BCL2L14: variants seen among roughly 807,000 people sequenced by gnomAD.
BCL2L14 encodes apoptosis facilitator Bcl-2-like protein 14.
BCL2L14 carries 27 observed loss-of-function variants against 35.3 expected under a neutral mutation model. That is an observed-to-expected ratio of 0.76 (90% confidence interval 0.56 to 1.05). The LOEUF (loss-of-function observed/expected upper bound fraction) is 1.05. Among genes scored for constraint, BCL2L14 ranks in the 50% least tolerant of loss-of-function variants. The pLI is 0.00. For missense variants in BCL2L14, 377 were observed against 382.6 expected (o/e 0.99, Z 0.12); for synonymous variants, 139 against 145.9 (o/e 0.95, Z 0.34).
chr12:12,079,139 C>T, intron 1 of BCL2L14, 160 bp from the exon 2 acceptor site: 1 of 639,732 alleles, frequency 1.6e-6, no homozygotes. Flanking sequence ...TGTCTCTCTT[C>T]CCACCCTAGT....
chr12:12,087,216 T>C lies in BCL2L14; in HGVS notation c.437T>C (p.Val146Ala). Residue 146 changes from valine to alanine, a missense_variant, in exon 3 of 6, where the codon GTG becomes GCG. By Grantham distance (64) the Val-to-Ala change is moderately conservative. Transcript: ENST00000308721. ...NVEQCLEHEA[V>A]DPKVISIANR... ...GCACCATTTTGTCTTGTTTCAGCTG[T>C]GGACCCCAAAGTCATTTCCATTGCC... 1 of 1,614,152 alleles carries C rather than the reference T, an allele frequency of 6.2e-7. No individual in the cohort carries two copies. Among genetic ancestry groups the C allele is most frequent in the Non-Finnish European group, 8.5e-7 (1 of 1,179,998 alleles).
Position 12,079,677 on chromosome 12 carries a change from T to A in BCL2L14, c.372T>A (p.Asp124Glu). Reference protein sequence around the residue: ...AQGQRTLEYQDSHSQQWSRCL... With the variant: ...AQGQRTLEYQESHSQQWSRCL... ...GTCAAAGGACGTTGGAATACCAAGA[T>A]TCGCACAGCCAGCAGTGGTCCAGGT... The change falls in exon 2 of 6, where the codon GAT becomes GAA. Residue 124 changes from aspartate to glutamate, a missense_variant. Asp to Glu is a conservative substitution (Grantham distance 45, BLOSUM62 2). Coordinates refer to ENST00000308721, the MANE Select transcript of BCL2L14 (RefSeq NM_138723.2). The A allele has an allele frequency of 6.2e-7, 1 of 1,614,194 alleles. No homozygotes were observed. The highest frequency in any genetic ancestry group is 8.5e-7 in the Non-Finnish European group (1 of 1,180,042).
chr12:12,075,429 CTTTCTTTT>C (rs368835428), intron 1 of BCL2L14, among the ~76,000 whole-genome samples: 8,559 of 121,690 alleles, frequency 0.07, 290 homozygotes, highest in Non-Finnish European at 0.097. Context: ...TTCTTTCTTT[CTTTCTTTT>C]TTTTTTGAGA....
At chr12:12,075,617 G>C (rs1333689015) in intron 1 of BCL2L14, among the ~76,000 whole-genome samples, 3 of 151,140 alleles carry the variant, frequency 2.0e-5, no homozygotes. Context: ...TAGAGACGGG[G>C]TTTCTCCATG....
At chr12:12,083,974 C>G (rs147440092) in intron 2 of BCL2L14, among the ~76,000 whole-genome samples, 3 of 152,058 alleles carry the variant, frequency 2.0e-5, no homozygotes, top group Non-Finnish European at 2.9e-5. Flanking sequence ...TCCCTCAGCT[C>G]GTGGCTTCCA....
chr12:12,097,305 G>C (rs753153875), intron 5 of BCL2L14, among the ~76,000 whole-genome samples: 3 of 152,150 alleles, frequency 2.0e-5, no homozygotes, highest in Non-Finnish European at 4.4e-5. Flanking sequence ...ATCAACTGAT[G>C]AATGATGAAT....
At chr12:12,064,404 A>G (rs1558774) in intron 2 of BCL2L14, among the ~76,000 whole-genome samples, 1 of 5,390 alleles carries the variant, frequency 1.9e-4, no homozygotes, top group African/African-American at 4.6e-4. Flanking sequence ...AGCACACCCA[A>G]AAGGTGTGAG....
At chr12:12,089,697 C>G (rs1205544757) in intron 3 of BCL2L14, among the ~76,000 whole-genome samples, 1 of 152,214 alleles carries the variant, frequency 6.6e-6, no homozygotes. Context: ...GACTCACATA[C>G]TCCACTGCAC....
chr12:12,071,239 T>C (rs1034514487), intron 1 of BCL2L14, 102 bp downstream of exon 1: 13 of 152,168 alleles, frequency 8.5e-5, no homozygotes, highest in Non-Finnish European at 2.9e-5. Flanking sequence ...CAGGGAGCTC[T>C]TTACTGGGTT....
At chr12:12,087,055 T>G (rs964998786) in intron 2 of BCL2L14, among the ~76,000 whole-genome samples, 158 bp from the exon 3 acceptor site, 3 of 152,156 alleles carry the variant, frequency 2.0e-5, no homozygotes, top group Admixed American at 1.3e-4. Context: ...CAGGCAACTT[T>G]CAGTCCTTTC....
intron 3 of BCL2L14, 146 bp downstream of exon 3, chr12:12,087,532 C>T: frequency 1.1e-6 from 1 of 913,172 alleles, no homozygotes; most frequent in Admixed American, 2.8e-5. Context: ...GCAATGAGCT[C>T]CAGCTTGAGA....
At position 12,079,295 on chromosome 12, in the gene BCL2L14, A is replaced by G. The variant is rs1349194228; in HGVS notation, c.-7-4A>G. The G allele has an allele frequency of 6.2e-7, 1 of 1,608,732 alleles. No homozygotes were observed. The highest frequency in any genetic ancestry group is 1.3e-5 in the African/African-American group (1 of 74,824). On this transcript the variant is annotated splice_polypyrimidine_tract_variant and splice_region_variant and intron_variant, in intron 1 of 5. Transcript: ENST00000308721. Reference sequence around the variant, plus strand: ...AGGGCACAGTGTGGACTTTGTTGTTACAGGCCCAACATGTGTAGCACCAGT... The same window carrying G: ...AGGGCACAGTGTGGACTTTGTTGTTGCAGGCCCAACATGTGTAGCACCAGT...
At chr12:12,067,217 G>A (rs912608579), upstream of BCL2L14, among the ~76,000 whole-genome samples, 45 of 151,932 alleles carry the variant, frequency 3.0e-4, no homozygotes, top group African/African-American at 1.0e-3. Flanking sequence ...CTGGAATGAT[G>A]TCGCCACTAA....
intron 3 of BCL2L14, 142 bp downstream of exon 3, chr12:12,087,528 A>G: frequency 1.1e-6 from 1 of 950,102 alleles, no homozygotes; most frequent in East Asian, 2.6e-5. Context: ...GTGGGCAATG[A>G]GCTCCAGCTT....
At chr12:12,083,674 G>A (rs968284202) in intron 2 of BCL2L14, among the ~76,000 whole-genome samples, 2 of 152,172 alleles carry the variant, frequency 1.3e-5, no homozygotes, top group Non-Finnish European at 2.9e-5. Flanking sequence ...GCCAGGCAGG[G>A]TGGCTCATGC....
intron 5 of BCL2L14, chr12:12,095,695 G>A (rs1188304577): frequency 1.1e-5 from 11 of 985,228 alleles, no homozygotes; most frequent in Non-Finnish European, 1.3e-5. Context: ...TGGTCCAGGG[G>A]CCAGCAGGAG....
intron 2 of BCL2L14, among the ~76,000 whole-genome samples, chr12:12,064,539 A>G (rs1025637728): frequency 9.2e-5 from 14 of 152,146 alleles, no homozygotes; most frequent in Non-Finnish European, 1.6e-4. Context: ...AATAAGAACT[A>G]TTATTGTTAG....
intron 3 of BCL2L14, among the ~76,000 whole-genome samples, chr12:12,089,703 T>C (rs764590012): frequency 1.3e-5 from 2 of 152,148 alleles, no homozygotes; most frequent in Non-Finnish European, 2.9e-5. Context: ...CATACTCCAC[T>C]GCACCCTGTC....
Position 12,077,714 on chromosome 12 carries a change from T to G in BCL2L14, c.-7-1585T>G, listed in dbSNP as rs533312179. Reference sequence around the variant, plus strand: ...TTACAATTTGCCTGCAGGAAGTTCATGTTTGGAGAGATGGAGTAACCTGCC... The same window carrying G: ...TTACAATTTGCCTGCAGGAAGTTCAGGTTTGGAGAGATGGAGTAACCTGCC... On this transcript the variant is annotated intron_variant, in intron 1 of 5. Transcript: ENST00000308721. The G allele has an allele frequency of 4.8e-5, 9 of 186,694 alleles. No individual in the cohort carries two copies. In the South Asian group the frequency reaches 1.0e-3, roughly 22 times the overall value. 11.6% of individuals were successfully genotyped at this position (186,694 alleles called of 1,614,324 possible). A position where few individuals can be genotyped will look rare whatever the true frequency, so the allele number is the denominator to read the frequency against.
Sources: gnomAD v4.1 joint callset for allele counts (sites outside exome capture counted in the v4.1 genomes callset) on GRCh38, gnomAD v4.1.1 for gene constraint, MANE v1.5 for transcripts, NCBI Gene and HGNC (gene_info 2026-07-23, HGNC 2026-07-21) for gene names.